ATP8B4: variants seen among roughly 807,000 people sequenced by gnomAD.
The protein encoded by ATP8B4 is ATPase phospholipid transporting 8B4 (putative), also known as probable phospholipid-transporting ATPase IM.
ATP8B4 carries 133 observed loss-of-function variants against 145.6 expected under a neutral mutation model. The ratio of observed to expected loss-of-function variants is 0.91; its 90% CI spans 0.79 to 1.05. The LOEUF (loss-of-function observed/expected upper bound fraction) is 1.05, where lower values mean the gene tolerates loss of function less well. Among genes scored for constraint, ATP8B4 ranks in the 50% least tolerant of loss-of-function variants. The probability of loss-of-function intolerance (pLI) is 0.00; values close to 1 mark genes in which losing one functional copy is unlikely to be tolerated. For synonymous variants in ATP8B4, 507 were observed against 492.9 expected, an observed-to-expected ratio of 1.03 and a Z score of -0.38; for missense variants, 1,458 against 1,425.2, an observed-to-expected ratio of 1.02 and a Z score of -0.37.
intron 1 of ATP8B4, among the ~76,000 whole-genome samples, chr15:50,175,584 A>T (rs556392540): frequency 1.3e-5 from 2 of 152,226 alleles, no homozygotes; most frequent in African/African-American, 4.8e-5. Context: ...ATGGTCAACA[A>T]GCATATTAAA....
At chr15:49,973,127 C>T (rs545071591) in intron 12 of ATP8B4, among the ~76,000 whole-genome samples, 59 of 152,290 alleles carry the variant, frequency 3.9e-4, no homozygotes, top group African/African-American at 1.3e-3. Flanking sequence ...GCAGTGGTCC[C>T]CAACCTTTTG....
intron 13 of ATP8B4, among the ~76,000 whole-genome samples, chr15:49,966,432 G>T (rs975243206): frequency 6.6e-6 from 1 of 152,182 alleles, no homozygotes; most frequent in Non-Finnish European, 1.5e-5. Context: ...GAACTTGGTG[G>T]TGGGAGGGGC....
At chr15:50,119,892 G>A (rs923933101), upstream of ATP8B4, among the ~76,000 whole-genome samples, 4 of 151,356 alleles carry the variant, frequency 2.6e-5, no homozygotes, top group African/African-American at 9.7e-5. Flanking sequence ...CACAGAGGAT[G>A]CAAACATTAA....
Position 50,170,495 on chromosome 15 carries a change from A to ACCCCCC in ATP8B4, c.-43+11760_-43+11765dup, listed in dbSNP as rs35629394. ...TGCTGAGAGAATTCACCATTACCAA[A>ACCCCCC]CCCCCCCCACCCTCCACAAGAACTG... On this transcript the variant is annotated intron_variant, in intron 1 of 3. Coordinates refer to the ATP8B4 transcript ENST00000558829. Among the ~76,000 whole-genome samples, 131 of 142,158 alleles carry ACCCCCC rather than the reference A, an allele frequency of 9.2e-4. 1 individual carries two copies. Among genetic ancestry groups the ACCCCCC allele is most frequent in the African/African-American group, 2.8e-3 (106 of 37,402 alleles). The allele number at this position is 142,158 out of a possible 152,430, so 93.3% of individuals were successfully genotyped here.
intron 23 of ATP8B4, among the ~76,000 whole-genome samples, chr15:49,886,999 G>A (rs1036317327): frequency 4.6e-5 from 7 of 152,052 alleles, no homozygotes; most frequent in Admixed American, 6.5e-5. Context: ...TAGTATAGAC[G>A]GGGTTTTGCC....
intron 12 of ATP8B4, among the ~76,000 whole-genome samples, chr15:49,975,268 T>C (rs189915382): frequency 1.3e-4 from 20 of 152,240 alleles, no homozygotes; most frequent in Non-Finnish European, 1.3e-4. Flanking sequence ...TTTAGTTTAG[T>C]TTAGTTTTGC....
chr15:50,076,748 C>T (rs1489768585), intron 2 of ATP8B4, among the ~76,000 whole-genome samples: 2 of 152,200 alleles, frequency 1.3e-5, no homozygotes, highest in East Asian at 3.9e-4. Flanking sequence ...TAATTATCAT[C>T]TTTCTGAACT....
At chr15:50,087,299 A>ATCTTAT (rs1225587363) in intron 2 of ATP8B4, among the ~76,000 whole-genome samples, 6 of 131,906 alleles carry the variant, frequency 4.5e-5, no homozygotes, top group African/African-American at 1.7e-4. Context: ...ATAGATCTAT[A>ATCTTAT]TCTATTATAT....
chr15:50,105,204 C>T (rs188640922), intron 2 of ATP8B4, among the ~76,000 whole-genome samples: 157 of 145,224 alleles, frequency 1.1e-3, no homozygotes, highest in African/African-American at 4.0e-3. Context: ...CACTAAAGAA[C>T]TTACTCATGT....
At chr15:49,906,184 C>G (rs978883535) in intron 20 of ATP8B4, among the ~76,000 whole-genome samples, 1 of 152,154 alleles carries the variant, frequency 6.6e-6, no homozygotes, top group Admixed American at 6.5e-5. Context: ...TATTTCTCAT[C>G]TCTATTATCA....
At chr15:50,145,121 A>G (rs1362004535) in intron 1 of ATP8B4, among the ~76,000 whole-genome samples, 2 of 152,260 alleles carry the variant, frequency 1.3e-5, no homozygotes, top group Non-Finnish European at 2.9e-5. Context: ...ATGAACCTTG[A>G]TATTTAGTTT....
chr15:49,993,248 A>G (rs1436979181), intron 9 of ATP8B4, among the ~76,000 whole-genome samples: 1 of 152,118 alleles, frequency 6.6e-6, no homozygotes, highest in Non-Finnish European at 1.5e-5. Flanking sequence ...CTGCAGGTGG[A>G]GAAAATAGCT....
At chr15:50,131,621 A>G (rs2044048397) in intron 1 of ATP8B4, among the ~76,000 whole-genome samples, 3 of 152,098 alleles carry the variant, frequency 2.0e-5, no homozygotes, top group Admixed American at 6.5e-5. Context: ...TTAGGCAAAA[A>G]GGGGAGTAAC....
At chr15:49,886,111 T>A (rs1293138395) in intron 23 of ATP8B4, among the ~76,000 whole-genome samples, 1 of 152,170 alleles carries the variant, frequency 6.6e-6, no homozygotes, top group Non-Finnish European at 1.5e-5. Context: ...TAGCCCTGTC[T>A]CACTAGACTG....
Position 49,922,023 on chromosome 15 carries a change from T to C in ATP8B4, c.1758+1356A>G, listed in dbSNP as rs141735132. ...ACAGTGAATGAACAATAAGATGACA[T>C]TACAAAAGGAAACGGATGATTTAAA... On this transcript the variant is annotated intron_variant, in intron 17 of 27. Transcript: ENST00000284509. 3.1e-3 allele frequency among the ~76,000 whole-genome samples: 479 copies of C among 152,320 alleles called. 3 individuals are homozygous for C. The highest frequency in any genetic ancestry group is 0.011 in the African/African-American group (469 of 41,570).
At chr15:49,954,846 C>A (rs369976645) in intron 14 of ATP8B4, among the ~76,000 whole-genome samples, 2 of 152,128 alleles carry the variant, frequency 1.3e-5, no homozygotes. Context: ...GAAAATAAAT[C>A]ATTCTACCAA....
At chr15:49,998,756 T>A (rs2047637746) in intron 8 of ATP8B4, among the ~76,000 whole-genome samples, 1 of 152,252 alleles carries the variant, frequency 6.6e-6, no homozygotes, top group South Asian at 2.1e-4. Flanking sequence ...AGATCCCATT[T>A]GTCAATTTTG....
chr15:49,986,021 T>C lies in ATP8B4; in HGVS notation c.748+1370A>G, dbSNP rs76540988. 4.6e-5 allele frequency among the ~76,000 whole-genome samples: 7 copies of C among 152,346 alleles called. No individual in the cohort carries two copies. The East Asian group carries it at 1.2e-3, about 25-fold the overall frequency. Reference sequence around the variant, plus strand: ...TGCCCAATCCAAATTCTGTGAACTTTCTGTTACACTTCCTTGGAGGGAGAC... The same window carrying C: ...TGCCCAATCCAAATTCTGTGAACTTCCTGTTACACTTCCTTGGAGGGAGAC... On this transcript the variant is annotated intron_variant, in intron 10 of 27. Coordinates refer to ENST00000284509, the MANE Select transcript of ATP8B4 (RefSeq NM_024837.4).
Position 49,979,776 on chromosome 15 carries a change from G to GC in ATP8B4, c.874dup (p.Ala292GlyfsTer23), listed in dbSNP as rs1175167590. The GC allele has an allele frequency of 1.4e-5, 23 of 1,606,472 alleles. No homozygotes were observed. Among genetic ancestry groups the GC allele is most frequent in the Non-Finnish European group, 2.0e-5 (23 of 1,175,500 alleles). ...ACTCTCCCAGATTGAATTTCCTATT[G>GC]CAAGAATAATTCCCAAGCATATCAG... On this transcript the variant is annotated frameshift_variant, in exon 12 of 28. Coordinates refer to ENST00000284509, the MANE Select transcript of ATP8B4 (RefSeq NM_024837.4). LOFTEE classifies it high-confidence loss of function.
Sources: gnomAD v4.1 joint callset for allele counts (sites outside exome capture counted in the v4.1 genomes callset) on GRCh38, gnomAD v4.1.1 for gene constraint, MANE v1.5 for transcripts, NCBI Gene and HGNC (gene_info 2026-07-23, HGNC 2026-07-21) for gene names.